The following CACNA1E variants were observed in gnomAD, a reference collection of about 807,000 sequenced individuals.
CACNA1E encodes voltage-dependent R-type calcium channel subunit alpha-1E.
In CACNA1E, 40 loss-of-function variants were observed where a neutral mutation model predicts 259.2. The ratio of observed to expected loss-of-function variants is 0.15; its 90% confidence interval spans 0.12 to 0.20. CACNA1E has a LOEUF of 0.20. Among genes scored for constraint, CACNA1E ranks in the 10% least tolerant of loss-of-function variants. The pLI, the probability that CACNA1E is intolerant of heterozygous loss-of-function variation, is 1.00. For missense variants in CACNA1E, 1,874 were observed against 3,040.1 expected (o/e 0.62, Z 9.02); for synonymous variants, 1,104 against 1,138.5 (o/e 0.97, Z 0.61).
At chr1:181,625,020 G>A (rs1656052988) in intron 6 of CACNA1E, among the ~76,000 whole-genome samples, 1 of 149,578 alleles carries the variant, frequency 6.7e-6, no homozygotes, top group Non-Finnish European at 1.5e-5. Context: ...GGATGACCAA[G>A]TGCATTATCA....
chr1:181,593,347 T>C (rs1652845185), intron 6 of CACNA1E, among the ~76,000 whole-genome samples: 1 of 152,194 alleles, frequency 6.6e-6, no homozygotes, highest in Admixed American at 6.5e-5. Context: ...TTGCTGTGTT[T>C]GTTCTGTGTT....
intron 25 of CACNA1E, among the ~76,000 whole-genome samples, chr1:181,740,697 G>T (rs1656491067): frequency 6.6e-6 from 1 of 152,176 alleles, no homozygotes; most frequent in Non-Finnish European, 1.5e-5. Context: ...TCTAAAATGG[G>T]CTGGTGATCA....
intron 3 of CACNA1E, among the ~76,000 whole-genome samples, chr1:181,527,962 T>C (rs965597542): frequency 2.0e-5 from 3 of 152,236 alleles, no homozygotes; most frequent in Non-Finnish European, 2.9e-5. Flanking sequence ...TTGATCAGCA[T>C]CTTTTAAACC....
chr1:181,635,032 C>A (rs1252617433), intron 6 of CACNA1E, among the ~76,000 whole-genome samples: 1 of 152,174 alleles, frequency 6.6e-6, no homozygotes, highest in Non-Finnish European at 1.5e-5. Context: ...AGAGGACACA[C>A]CCCAGCACCT....
At chr1:181,626,021 A>G (rs977053892) in intron 6 of CACNA1E, among the ~76,000 whole-genome samples, 1 of 152,174 alleles carries the variant, frequency 6.6e-6, no homozygotes. Context: ...GGGGGAATGA[A>G]TGGCAGGTCA....
intron 7 of CACNA1E, among the ~76,000 whole-genome samples, chr1:181,656,039 A>C (rs1234148470): frequency 6.6e-6 from 1 of 152,238 alleles, no homozygotes; most frequent in African/African-American, 2.4e-5. Context: ...GGTGTAAAAA[A>C]ACCCTGAATT....
intron 1 of CACNA1E, among the ~76,000 whole-genome samples, chr1:181,490,550 T>TG (rs910247264): frequency 6.6e-6 from 1 of 151,492 alleles, no homozygotes; most frequent in African/African-American, 2.4e-5. Flanking sequence ...CATGTTTTTT[T>TG]TTTTTTTTTT....
At chr1:181,755,575 C>G (rs542749512) in intron 28 of CACNA1E, among the ~76,000 whole-genome samples, 178 bp downstream of exon 28, 1 of 152,152 alleles carries the variant, frequency 6.6e-6, no homozygotes, top group Non-Finnish European at 1.5e-5. Flanking sequence ...GTGTCAGACA[C>G]GAAAACTTGA....
intron 2 of CACNA1E, among the ~76,000 whole-genome samples, chr1:181,432,159 C>A (rs1280865848): frequency 6.6e-6 from 1 of 152,194 alleles, no homozygotes; most frequent in Non-Finnish European, 1.5e-5. Flanking sequence ...AAAATATTAT[C>A]ATTTCAACAC....
intron 38 of CACNA1E, among the ~76,000 whole-genome samples, chr1:181,780,797 C>A (rs1045418216): frequency 6.6e-6 from 1 of 152,146 alleles, no homozygotes; most frequent in African/African-American, 2.4e-5. Flanking sequence ...AGCAACGGGG[C>A]CAACTCTTTG....
At chr1:181,789,739 G>A (rs533430167) in intron 43 of CACNA1E, among the ~76,000 whole-genome samples, 2 of 152,348 alleles carry the variant, frequency 1.3e-5, no homozygotes, top group East Asian at 3.9e-4. Flanking sequence ...CTAGACAGTG[G>A]TTTAATAACA....
At chr1:181,637,741 G>T (rs890268119) in intron 6 of CACNA1E, among the ~76,000 whole-genome samples, 1 of 152,134 alleles carries the variant, frequency 6.6e-6, no homozygotes, top group African/African-American at 2.4e-5. Flanking sequence ...CAGTTAAGTG[G>T]TATGGTGGAA....
chr1:181,370,683 G>C (rs4406601), intron 1 of CACNA1E, among the ~76,000 whole-genome samples: 44,966 of 151,984 alleles, frequency 0.3, 6,765 homozygotes, highest in African/African-American at 0.35. Context: ...TCCGTCATTG[G>C]TGGGCATCCA....
chr1:181,424,400 C>A (rs530617533), intron 2 of CACNA1E, among the ~76,000 whole-genome samples: 1 of 152,270 alleles, frequency 6.6e-6, no homozygotes, highest in Non-Finnish European at 1.5e-5. Context: ...GTTTCTAGAT[C>A]TGGTCTCTGG....
At chr1:181,547,762 A>G (rs897173096) in intron 3 of CACNA1E, among the ~76,000 whole-genome samples, 4 of 152,220 alleles carry the variant, frequency 2.6e-5, no homozygotes, top group Admixed American at 2.6e-4. Flanking sequence ...TTAGCACTTT[A>G]TTATAGCTTG....
intron 1 of CACNA1E, chr1:181,318,246 G>C (rs926218478): frequency 2.0e-5 from 3 of 152,098 alleles, no homozygotes; most frequent in Non-Finnish European, 4.4e-5. Context: ...CTACGTGTTG[G>C]GGGGATGCAT....
chr1:181,578,845 G>C (rs1651236307), intron 4 of CACNA1E, among the ~76,000 whole-genome samples: 1 of 152,254 alleles, frequency 6.6e-6, no homozygotes, highest in African/African-American at 2.4e-5. Flanking sequence ...AACTGGGTCT[G>C]AGATAGAGTG....
At chr1:181,632,903 T>A (rs1202125207) in intron 6 of CACNA1E, among the ~76,000 whole-genome samples, 1 of 152,190 alleles carries the variant, frequency 6.6e-6, no homozygotes, top group Non-Finnish European at 1.5e-5. Flanking sequence ...CAACAATGTT[T>A]TAAAGCTTCC....
intron 32 of CACNA1E, among the ~76,000 whole-genome samples, chr1:181,759,431 A>C (rs958747288): frequency 1.4e-5 from 2 of 144,364 alleles, no homozygotes; most frequent in African/African-American, 5.3e-5. Flanking sequence ...GTGTGTATGG[A>C]GTGCAAGGGG....
Sources: allele counts gnomAD v4.1 joint callset (sites outside exome capture counted in the v4.1 genomes callset), GRCh38; gene constraint gnomAD v4.1.1; transcripts MANE v1.5; gene names NCBI Gene and HGNC (gene_info 2026-07-23, HGNC 2026-07-21).